The following CAGE1 variants were observed in gnomAD, a reference collection of about 807,000 sequenced individuals.
CAGE1 encodes cancer-associated gene 1 protein.
A neutral mutation model predicts 94.9 loss-of-function variants in CAGE1; 66 were observed. The ratio of observed to expected loss-of-function variants is 0.70; its 90% confidence interval spans 0.57 to 0.85. CAGE1 has a LOEUF of 0.85. CAGE1 is among the 40% of genes least tolerant of loss of function. The pLI is 0.00. For synonymous variants in CAGE1, 319 were observed against 321.0 expected (o/e 0.99, Z 0.07); for missense variants, 865 against 950.4 (o/e 0.91, Z 1.18).
chr6:7,327,848 T>C (rs1413241214), intron 13 of CAGE1, among the ~76,000 whole-genome samples: 3 of 152,054 alleles, frequency 2.0e-5, no homozygotes, highest in Admixed American at 6.6e-5. Flanking sequence ...GAGAATCACT[T>C]GAACCCCGGA....
chr6:7,342,113 G>A (rs961959366), intron 11 of CAGE1: 55 of 974,470 alleles, frequency 5.6e-5, no homozygotes, highest in South Asian at 3.8e-4. Flanking sequence ...GATAGGTCAC[G>A]GCTGATGAAG....
intron 3 of CAGE1, 148 bp downstream of exon 3, chr6:7,385,637 T>A: frequency 4.6e-6 from 2 of 436,736 alleles, no homozygotes; most frequent in East Asian, 3.6e-5. Context: ...TTCAATTTTT[T>A]AAAATTCTTA....
In CAGE1 at chr6:7,351,436, T is replaced by A. The variant is rs538388615; in HGVS notation, c.2369+3605A>T. 3.3e-5 allele frequency among the ~76,000 whole-genome samples: 5 copies of A among 151,882 alleles called. No homozygotes were observed. In the East Asian group the frequency reaches 7.7e-4, roughly 23 times the overall value. ...AGGTAGAGAAAGAGAAAACCCTCCA[T>A]AATTCATTCTATGAAGCCAGCATCA... On this transcript the variant is annotated intron_variant, in intron 11 of 13. Coordinates refer to ENST00000502583, the MANE Select transcript of CAGE1 (RefSeq NM_001170692.2).
intron 9 of CAGE1, among the ~76,000 whole-genome samples, chr6:7,361,374 C>T (rs746071244): frequency 6.6e-6 from 1 of 152,122 alleles, no homozygotes; most frequent in Non-Finnish European, 1.5e-5. Flanking sequence ...ACATCATGAA[C>T]ATGATTCAGG....
At chr6:7,349,916 A>T (rs1561854770) in intron 11 of CAGE1, among the ~76,000 whole-genome samples, 1 of 147,730 alleles carries the variant, frequency 6.8e-6, no homozygotes, top group Non-Finnish European at 1.5e-5. Context: ...GGGCGACAAG[A>T]GTGAAACACT....
At chr6:7,341,903 G>A (rs1759192275) in intron 11 of CAGE1, 1 of 695,606 alleles carries the variant, frequency 1.4e-6, no homozygotes. Flanking sequence ...TCAGGGTACT[G>A]CAGCAAGATG....
chr6:7,371,129 T>C (rs1227706169), intron 5 of CAGE1, among the ~76,000 whole-genome samples: 1 of 152,168 alleles, frequency 6.6e-6, no homozygotes, highest in Non-Finnish European at 1.5e-5. Context: ...GTTCTCAAAG[T>C]GTGGTCCCAG....
intron 11 of CAGE1, among the ~76,000 whole-genome samples, chr6:7,336,515 C>CT (rs5874092): frequency 0.56 from 84,632 of 151,878 alleles, 26,329 homozygotes; most frequent in African/African-American, 0.85. Flanking sequence ...GTATTTCTTT[C>CT]TTTTTTTCTT....
intron 13 of CAGE1, 39 bp from the exon 14 acceptor site, chr6:7,326,938 A>G (rs749688490): frequency 2.0e-6 from 3 of 1,504,702 alleles, no homozygotes; most frequent in South Asian, 2.3e-5. Context: ...AGTTTTGGGG[A>G]AAGACTAACA....
At chr6:7,385,097 C>T (rs1761073513) in intron 3 of CAGE1, among the ~76,000 whole-genome samples, 1 of 152,080 alleles carries the variant, frequency 6.6e-6, no homozygotes, top group African/African-American at 2.4e-5. Flanking sequence ...CCTCCACCTC[C>T]TGGGTTCAAG....
At position 7,326,896 on chromosome 6, in the gene CAGE1, G is replaced by T; in HGVS notation, c.2482C>A (p.Pro828Thr). 3.2e-6 allele frequency: 5 copies of T among 1,581,370 alleles called. No individual in the cohort carries two copies. Among genetic ancestry groups the T allele is most frequent in the Non-Finnish European group, 4.3e-6 (5 of 1,150,902 alleles). The change falls in exon 14 of 14, where the codon CCA (proline) becomes ACA (threonine). Residue 828 changes from proline (P) to threonine (T), a missense_variant. Pro to Thr is a conservative substitution (Grantham distance 38, BLOSUM62 -1). Coordinates refer to ENST00000502583, the MANE Select transcript of CAGE1 (RefSeq NM_001170692.2). ...TTTCTATTTTCTTTAAAAAGAGCTG[G>T]CATCTAAAAATGAAAGGAAAAATGT... ...ENHPKSMTMM[P>T]ALFKENRNDL...
At chr6:7,328,910 GTGTGTGTGTATATATATA>G (rs1758630987) in intron 13 of CAGE1, among the ~76,000 whole-genome samples, 1 of 71,456 alleles carries the variant, frequency 1.4e-5, no homozygotes, top group Non-Finnish European at 2.9e-5. Flanking sequence ...GTGTGTGTGT[GTGTGTGTGTATATATATA>G]TATATATTTT....
chr6:7,331,393 C>T (rs878993619), intron 12 of CAGE1: 22 of 884,394 alleles, frequency 2.5e-5, no homozygotes, highest in Middle Eastern at 4.8e-4. Context: ...TACTTTAGTG[C>T]AGGGTTTCTG....
chr6:7,378,659 T>C lies in CAGE1; in HGVS notation c.645A>G (p.Glu215=), dbSNP rs2113464123. 6.2e-7 allele frequency: 1 copy of C among 1,610,184 alleles called. No individual in the cohort carries two copies. Among genetic ancestry groups the C allele is most frequent in the African/African-American group, 1.3e-5 (1 of 74,762 alleles). Residue 215 remains glutamate (E), a synonymous_variant, in exon 4 of 14, where the codon GAA becomes GAG. Transcript: ENST00000502583. ...EKSLAKSIAK[E]SALNPSQPPS... is the part of the protein sequence containing the mutation. ...GAGGTTGGCTAGGGTTGAGGGCAGATTCCTTGGCAATACTTTTAGCCAGTG... is the reference window on the plus strand; with the variant it reads ...GAGGTTGGCTAGGGTTGAGGGCAGACTCCTTGGCAATACTTTTAGCCAGTG...
chr6:7,341,660 G>C, intron 11 of CAGE1: 1 of 731,014 alleles, frequency 1.4e-6, no homozygotes, highest in East Asian at 2.8e-5. Flanking sequence ...AGGTGGACAG[G>C]AATCAACTCA....
intron 9 of CAGE1, among the ~76,000 whole-genome samples, chr6:7,359,539 G>A (rs886288919): frequency 6.6e-6 from 1 of 152,158 alleles, no homozygotes; most frequent in South Asian, 2.1e-4. Flanking sequence ...GAACACACAT[G>A]TTGGGTCATG....
chr6:7,366,652 A>G (rs988524560), intron 7 of CAGE1, among the ~76,000 whole-genome samples: 1 of 152,138 alleles, frequency 6.6e-6, no homozygotes, highest in Non-Finnish European at 1.5e-5. Context: ...TGCTGGGGGA[A>G]CGAAATGCAT....
At chr6:7,329,414 G>A (rs1051927003) in intron 13 of CAGE1, 15 of 345,600 alleles carry the variant, frequency 4.3e-5, no homozygotes, top group Middle Eastern at 4.4e-4. Flanking sequence ...TATACGCCTC[G>A]CCAAGGAGCT....
chr6:7,357,015 T>C (rs1348489822), intron 9 of CAGE1, among the ~76,000 whole-genome samples: 1 of 152,092 alleles, frequency 6.6e-6, no homozygotes, highest in East Asian at 1.9e-4. Context: ...CAGGCTGGTC[T>C]TGAACTCCTG....
Sources: gnomAD v4.1 joint callset for allele counts (sites outside exome capture counted in the v4.1 genomes callset) on GRCh38, gnomAD v4.1.1 for gene constraint, MANE v1.5 for transcripts, NCBI Gene and HGNC (gene_info 2026-07-23, HGNC 2026-07-21) for gene names.